The following SRCIN1 variants were observed in gnomAD, a reference collection of about 807,000 sequenced individuals.
SRCIN1 encodes the protein SRC kinase signaling inhibitor 1.
Under a neutral mutation model 116.2 loss-of-function variants are expected in SRCIN1, and 50 were observed. The observed-to-expected ratio is 0.43, with a 90% CI of 0.34 to 0.54. The LOEUF (loss-of-function observed/expected upper bound fraction) is 0.54. Among genes scored for constraint, SRCIN1 ranks in the 20% least tolerant of loss-of-function variants. SRCIN1 has a pLI of 0.02. For synonymous variants in SRCIN1, 736 were observed against 750.0 expected (o/e 0.98, Z 0.30); for missense variants, 1,446 against 1,672.0 (o/e 0.86, Z 2.36).
Position 38,561,618 on chromosome 17 carries a change from G to C in SRCIN1, c.1545C>G (p.Ser515=). 1.3e-6 allele frequency: 2 copies of C among 1,588,454 alleles called. No homozygotes were observed. The highest frequency in any genetic ancestry group is 1.7e-6 in the Non-Finnish European group (2 of 1,167,422). ...VRQSFRKDSG[S]SSVFAESPGG... ...CAGGACTCTCGGCAAAGACGGACGA[G>C]GAGCCCGAGTCCTTGCGGAAGGACT... The change falls in exon 7 of 19, where the codon TCC becomes TCG. Residue 515 remains serine (S), a synonymous_variant. Transcript: ENST00000617146.
At chr17:38,550,587 A>G (rs1905329666) in intron 15 of SRCIN1, among the ~76,000 whole-genome samples, 1 of 152,252 alleles carries the variant, frequency 6.6e-6, no homozygotes, top group Non-Finnish European at 1.5e-5. Flanking sequence ...TAAGTGCTTG[A>G]TAAACACAAA....
chr17:38,560,514 G>A, intron 7 of SRCIN1, 89 bp from the exon 8 acceptor site: 1 of 1,140,424 alleles, frequency 8.8e-7, no homozygotes, highest in Non-Finnish European at 1.3e-6. Context: ...GTAACCAGAA[G>A]AAACACCGTC....
intron 1 of SRCIN1, among the ~76,000 whole-genome samples, chr17:38,600,554 G>A (rs1908962364): frequency 6.6e-6 from 1 of 152,198 alleles, no homozygotes; most frequent in Admixed American, 6.5e-5. Context: ...ATGGGCAAAA[G>A]CAGGCAGGGG....
rs922065151 is a variant in SRCIN1, at chr17:38,563,625, G to T, written c.542-104C>A. The T allele has an allele frequency of 1.8e-5, 27 of 1,461,738 alleles. No homozygotes were observed. Among genetic ancestry groups the T allele is most frequent in the Admixed American group, 7.9e-5 (4 of 50,894 alleles). The allele number at this position is 1,461,738 out of a possible 1,614,324, so 90.5% of individuals were successfully genotyped here. ...GAGCTGCGCCAGCCCCGCAGCGGCA[G>T]GGTCTGAGGCTAGACGCCGCCCCCG... On this transcript the variant is annotated intron_variant, in intron 4 of 18. Coordinates refer to ENST00000617146, the MANE Select transcript of SRCIN1 (RefSeq NM_025248.3). The surrounding 1 kb of genome is among the most constrained non-coding windows in gnomAD (Gnocchi z 5.8).
rs1404829869 is a variant in SRCIN1, at chr17:38,543,897, G to A, written c.3343C>T (p.Gln1115Ter). The A allele has an allele frequency of 6.2e-7, 1 of 1,606,366 alleles. No homozygotes were observed. The highest frequency in any genetic ancestry group is 1.1e-5 in the South Asian group (1 of 90,848). Residue 1115 changes from glutamine to a stop codon, truncating the protein, a stop_gained, in exon 18 of 19, where the codon CAG becomes TAG. Coordinates refer to ENST00000617146, the MANE Select transcript of SRCIN1 (RefSeq NM_025248.3). LOFTEE classifies it high-confidence loss of function. ...GASRLKAAQG[Q>*]AGSPDKSKHG... is the part of the protein sequence containing the mutation. ...TTGCTTTTGTCGGGGCTGCCCGCCT[G>A]GCCCTGGGCCGCCTTCAGCCGAGAG...
At position 38,604,364 on chromosome 17, in the gene SRCIN1, C is replaced by T. The variant is rs1909229740; in HGVS notation, c.22+1320G>A. ...CTGCCAGAAACCCCCACCCCCAGCT[C>T]GGGGAGCCCACTTTCCTTAAAGTTG... On this transcript the variant is annotated intron_variant, in intron 1 of 18. Coordinates refer to ENST00000617146, the MANE Select transcript of SRCIN1 (RefSeq NM_025248.3). This position sits in a 1 kb window ranked among gnomAD's most constrained non-coding sequence, Gnocchi z 4.3. 4 of 313,456 alleles carry T rather than the reference C, an allele frequency of 1.3e-5. No individual in the cohort carries two copies. Among genetic ancestry groups the T allele is most frequent in the Admixed American group, 9.2e-5 (2 of 21,824 alleles). 19.4% of individuals were successfully genotyped at this position (313,456 alleles called of 1,614,324 possible).
rs1005655669 is a variant in SRCIN1 at position 38,533,227 on chromosome 17, T to C, written c.*70A>G. 15 of 1,418,096 alleles carry C rather than the reference T, an allele frequency of 1.1e-5. No individual in the cohort carries two copies. 87.8% of individuals were successfully genotyped at this position (1,418,096 alleles called of 1,614,324 possible). On this transcript the variant is annotated 3_prime_UTR_variant, in exon 19 of 19. Coordinates refer to ENST00000617146, the MANE Select transcript of SRCIN1 (RefSeq NM_025248.3). ...AGAGTAGGGTGGGGTGGGGTGGAGATGAAGGAAGAGAGGGGAGAAATGGCA... is the reference window on the plus strand; with the variant it reads ...AGAGTAGGGTGGGGTGGGGTGGAGACGAAGGAAGAGAGGGGAGAAATGGCA...
upstream of SRCIN1, among the ~76,000 whole-genome samples, chr17:38,606,530 C>G (rs1468459201): frequency 1.3e-5 from 2 of 152,128 alleles, no homozygotes. The surrounding 1 kb of genome is among the most constrained non-coding windows in gnomAD (Gnocchi z 5.2). Flanking sequence ...GCTGGGCCGC[C>G]GCCTCGCCCC....
At chr17:38,583,778 C>T (rs1178358720) in intron 1 of SRCIN1, among the ~76,000 whole-genome samples, 1 of 152,122 alleles carries the variant, frequency 6.6e-6, no homozygotes, top group Non-Finnish European at 1.5e-5. Flanking sequence ...GTCTCCAACG[C>T]CTGACCTCAG....
chr17:38,552,443 T>A lies in SRCIN1; in HGVS notation c.2480+4A>T. 1 of 1,599,182 alleles carries A rather than the reference T, an allele frequency of 6.3e-7. No homozygotes were observed. Among genetic ancestry groups the A allele is most frequent in the Non-Finnish European group, 8.5e-7 (1 of 1,173,722 alleles). ...GGGAAATCAGAGGTCAGGGACAGAA[T>A]GACCTTCGGATCTGGGCCAGCGTGT... On this transcript the variant is annotated splice_donor_region_variant and intron_variant, in intron 13 of 18. Coordinates refer to ENST00000617146, the MANE Select transcript of SRCIN1 (RefSeq NM_025248.3). This position sits in a 1 kb window ranked among gnomAD's most constrained non-coding sequence, Gnocchi z 5.3.
At chr17:38,556,886 CCTTT>C in intron 11 of SRCIN1, among the ~76,000 whole-genome samples, 1 of 152,250 alleles carries the variant, frequency 6.6e-6, no homozygotes, top group Non-Finnish European at 1.5e-5. Flanking sequence ...TTTTAGATCT[CCTTT>C]AATTTTCCTT....
At chr17:38,569,259 T>TGC (rs1285533276) in intron 2 of SRCIN1, among the ~76,000 whole-genome samples, 1 of 152,182 alleles carries the variant, frequency 6.6e-6, no homozygotes, top group East Asian at 1.9e-4. Context: ...AGGAAAGAGC[T>TGC]GCCCTGGGGC....
chr17:38,603,214 A>C, intron 1 of SRCIN1, among the ~76,000 whole-genome samples: 1 of 151,396 alleles, frequency 6.6e-6, no homozygotes. Flanking sequence ...GGAGAGGGGG[A>C]GAGAGAGAGA....
intron 1 of SRCIN1, among the ~76,000 whole-genome samples, 161 bp downstream of exon 1, chr17:38,605,523 C>T (rs1241689074): frequency 6.6e-6 from 1 of 151,044 alleles, no homozygotes; most frequent in African/African-American, 2.4e-5. Context: ...CCCCTGCCCC[C>T]ACACACCTGC....
chr17:38,544,464 A>G lies in SRCIN1; in HGVS notation c.3271-495T>C, dbSNP rs143131821. On this transcript the variant is annotated intron_variant, in intron 17 of 18. Coordinates refer to ENST00000617146, the MANE Select transcript of SRCIN1 (RefSeq NM_025248.3). The surrounding 1 kb of genome is among the most constrained non-coding windows in gnomAD (Gnocchi z 4.5). ...CTAGGGATGGGCAAGCTTGGCTCCC[A>G]TGAACCTCCCCAAGTACCAGGCCTG... 4.4e-3 allele frequency: 671 copies of G among 153,600 alleles called. 8 individuals are homozygous for G. The highest frequency in any genetic ancestry group is 0.015 in the African/African-American group (632 of 41,618). The allele number at this position is 153,600 out of a possible 1,614,324, so 9.5% of individuals were successfully genotyped here. A position where few individuals can be genotyped will look rare whatever the true frequency, so the allele number is the denominator to read the frequency against.
intron 18 of SRCIN1, among the ~76,000 whole-genome samples, chr17:38,537,571 C>G (rs62075668): frequency 0.079 from 12,001 of 151,954 alleles, 497 homozygotes; most frequent in Middle Eastern, 0.099. Context: ...GCGGGCGGAT[C>G]ATGAGGTCAG....
rs556006819 is a variant in SRCIN1, at chr17:38,595,438, G to A, written c.22+10246C>T. Among the ~76,000 whole-genome samples the A allele has an allele frequency of 2.6e-5, 4 of 152,250 alleles. No homozygotes were observed. In the South Asian group the frequency reaches 6.2e-4, roughly 24 times the overall value. ...TCACCACGTTTGCCAGGCTGGTCTC[G>A]AACTCCTGACCTCATGATCCGCCTG... On this transcript the variant is annotated intron_variant, in intron 1 of 18. Coordinates refer to ENST00000617146, the MANE Select transcript of SRCIN1 (RefSeq NM_025248.3).
At chr17:38,594,574 G>A (rs150785410) in intron 1 of SRCIN1, among the ~76,000 whole-genome samples, 3 of 152,240 alleles carry the variant, frequency 2.0e-5, no homozygotes, top group Non-Finnish European at 2.9e-5. Context: ...AGGTGGGGAC[G>A]CAAAGGGCAC....
chr17:38,564,744 AGGGTGG>A (rs1001058425), intron 3 of SRCIN1, among the ~76,000 whole-genome samples: 1 of 13,974 alleles, frequency 7.2e-5, no homozygotes, highest in African/African-American at 1.6e-4. Context: ...TGGAGTTCAG[AGGGTGG>A]GGGTGGGGGT....
Sources: allele counts gnomAD v4.1 joint callset (sites outside exome capture counted in the v4.1 genomes callset), GRCh38; gene constraint gnomAD v4.1.1; non-coding constraint Gnocchi (gnomAD v3.1); transcripts MANE v1.5; gene names NCBI Gene and HGNC (gene_info 2026-07-23, HGNC 2026-07-21).